MYO3B: variants seen among roughly 807,000 people sequenced by gnomAD.
The protein encoded by MYO3B is myosin IIIB, also known as myosin-IIIb.
In MYO3B, 156 loss-of-function variants were observed where a neutral mutation model predicts 174.6. The observed-to-expected ratio is 0.89, with a 90% confidence interval of 0.78 to 1.02. The LOEUF is 1.02. MYO3B is among the 50% of genes least tolerant of loss of function. MYO3B has a pLI of 0.00. For missense variants in MYO3B, 1,632 were observed against 1,639.4 expected, an observed-to-expected ratio of 1.00 and a Z score of 0.08; for synonymous variants, 563 against 569.1, an observed-to-expected ratio of 0.99 and a Z score of 0.15.
chr2:170,468,184 G>A (rs1684762858), intron 25 of MYO3B, among the ~76,000 whole-genome samples: 1 of 152,172 alleles, frequency 6.6e-6, no homozygotes, highest in Admixed American at 6.5e-5. Flanking sequence ...TAACAAAATG[G>A]ATGAGTTAGC....
intron 1 of MYO3B, among the ~76,000 whole-genome samples, chr2:170,180,385 C>G (rs78872896): frequency 0.053 from 8,091 of 152,222 alleles, 268 homozygotes; most frequent in Non-Finnish European, 0.083. Flanking sequence ...CTCAGAGGGC[C>G]AAGATGTAGA....
At chr2:170,522,747 C>G (rs188217231) in intron 30 of MYO3B, among the ~76,000 whole-genome samples, 159 of 152,316 alleles carry the variant, frequency 1.0e-3, no homozygotes, top group Non-Finnish European at 1.7e-3. Context: ...TCTCTTCTCT[C>G]TGCCCATTCC....
chr2:170,503,605 A>C (rs1291935599), intron 28 of MYO3B, among the ~76,000 whole-genome samples: 1 of 151,450 alleles, frequency 6.6e-6, no homozygotes, highest in Admixed American at 6.6e-5. Flanking sequence ...TAGCCTTGCA[A>C]GCACCCAGCA....
rs775504322 is a variant in MYO3B, at chr2:170,400,150, C to T, written c.1792-38C>T. 1.3e-5 allele frequency: 21 copies of T among 1,613,286 alleles called. No individual in the cohort carries two copies. The South Asian group carries it at 2.1e-4, about 16-fold the overall frequency. ...TCTAATGGTTCATTAGTTTGACTGG[C>T]AATGACCTTCATATATGGTTCTTGA... On this transcript the variant is annotated intron_variant, in intron 16 of 34. Transcript: ENST00000408978.
At chr2:170,595,726 C>A (rs188700814) in intron 32 of MYO3B, among the ~76,000 whole-genome samples, 1 of 152,306 alleles carries the variant, frequency 6.6e-6, no homozygotes, top group African/African-American at 2.4e-5. Context: ...GTGTGAGCCA[C>A]CATGCCTGGC....
At chr2:170,438,990 G>A (rs1268350115) in intron 22 of MYO3B, among the ~76,000 whole-genome samples, 2 of 151,388 alleles carry the variant, frequency 1.3e-5, no homozygotes, top group Admixed American at 1.3e-4. Flanking sequence ...CTAATGTTTA[G>A]TGATACTGAG....
Position 170,483,588 on chromosome 2 carries a change from G to A in MYO3B, c.3015-15004G>A, listed in dbSNP as rs1479542075. On this transcript the variant is annotated intron_variant, in intron 25 of 34. Transcript: ENST00000408978. ...TTTTTAGTAGAGACGGGGTTTCACC[G>A]TGTTAGCCAGGATGGTCTCGATCTC... Among the ~76,000 whole-genome samples the A allele has an allele frequency of 6.4e-5, 8 of 125,686 alleles. 1 individual carries two copies. The highest frequency in any genetic ancestry group is 2.0e-4 in the African/African-American group (4 of 19,950). 82.5% of individuals were successfully genotyped at this position (125,686 alleles called of 152,430 possible). A position where few individuals can be genotyped will look rare whatever the true frequency, so the allele number is the denominator to read the frequency against.
intron 8 of MYO3B, among the ~76,000 whole-genome samples, chr2:170,353,448 G>A (rs1385105268): frequency 6.6e-6 from 1 of 152,126 alleles, no homozygotes; most frequent in African/African-American, 2.4e-5. Flanking sequence ...AGGATTTTTC[G>A]GGCAGTGAAA....
At chr2:170,606,944 C>T (rs1694843416) in intron 32 of MYO3B, among the ~76,000 whole-genome samples, 1 of 152,130 alleles carries the variant, frequency 6.6e-6, no homozygotes, top group Admixed American at 6.5e-5. Context: ...CGCTTGAACC[C>T]AGGAGGCGGA....
At chr2:170,190,407 G>A (rs1443240397) in intron 1 of MYO3B, among the ~76,000 whole-genome samples, 1 of 152,150 alleles carries the variant, frequency 6.6e-6, no homozygotes, top group Non-Finnish European at 1.5e-5. Flanking sequence ...AGGTGATGAA[G>A]CCAGCTAGGT....
chr2:170,439,711 C>T (rs911299067), intron 22 of MYO3B, among the ~76,000 whole-genome samples: 1 of 152,138 alleles, frequency 6.6e-6, no homozygotes, highest in African/African-American at 2.4e-5. Context: ...GACAGAGTCT[C>T]GCTCTGTCGC....
intron 25 of MYO3B, among the ~76,000 whole-genome samples, chr2:170,493,738 CCCCCAACCCCAA>C (rs1235216781): frequency 6.6e-6 from 1 of 151,914 alleles, no homozygotes; most frequent in Admixed American, 6.6e-5. Context: ...TCCCTCTCTG[CCCCCAACCCCAA>C]CCCCAACCCC....
chr2:170,285,249 A>G lies in MYO3B; in HGVS notation c.749+49113A>G, dbSNP rs143690755. On this transcript the variant is annotated intron_variant, in intron 7 of 34. Coordinates refer to ENST00000408978, the MANE Select transcript of MYO3B (RefSeq NM_138995.5). Reference sequence around the variant, plus strand: ...AATTTTGATGTCAGCTTAATCAGATATTAACAACTCGCATTCCAAAGGGTT... The same window carrying G: ...AATTTTGATGTCAGCTTAATCAGATGTTAACAACTCGCATTCCAAAGGGTT... Among the ~76,000 whole-genome samples the G allele has an allele frequency of 3.2e-3, 484 of 152,344 alleles. 10 individuals are homozygous for G. The highest frequency in any genetic ancestry group is 6.9e-4 in the Non-Finnish European group (47 of 68,034).
intron 32 of MYO3B, among the ~76,000 whole-genome samples, chr2:170,583,417 C>G (rs919037421): frequency 6.6e-6 from 1 of 152,106 alleles, no homozygotes; most frequent in Non-Finnish European, 1.5e-5. Flanking sequence ...ATCAAAATCT[C>G]TAGAAGAAAT....
At position 170,214,469 on chromosome 2, in the gene MYO3B, T is replaced by A. The variant is rs200951542; in HGVS notation, c.412T>A (p.Tyr138Asn). 63 of 1,614,056 alleles carry A rather than the reference T, an allele frequency of 3.9e-5. No individual in the cohort carries two copies. The highest frequency in any genetic ancestry group is 5.2e-5 in the Non-Finnish European group (61 of 1,180,006). ...TGAAGCAATGATCTCATACATCTTG[T>A]ACGGGGCCCTCTTGGTAAGAACATC... ...LDEAMISYIL[Y>N]GALLGLQHLH... Residue 138 changes from tyrosine to asparagine, a missense_variant, in exon 4 of 35, where the codon TAC (tyrosine) becomes AAC (asparagine). Coordinates refer to ENST00000408978, the MANE Select transcript of MYO3B (RefSeq NM_138995.5).
At chr2:170,515,158 C>T (rs1265955908) in intron 29 of MYO3B, 136 bp downstream of exon 29, 1 of 706,226 alleles carries the variant, frequency 1.4e-6, no homozygotes, top group Non-Finnish European at 2.3e-6. Context: ...AGGTGACAGC[C>T]AATTAAATTT....
At chr2:170,381,588 G>C (rs955695646) in intron 9 of MYO3B, among the ~76,000 whole-genome samples, 1 of 152,156 alleles carries the variant, frequency 6.6e-6, no homozygotes, top group Non-Finnish European at 1.5e-5. Flanking sequence ...TGTTACGTAG[G>C]TTAAAAACTA....
At chr2:170,186,742 C>T (rs1339403694) in intron 1 of MYO3B, among the ~76,000 whole-genome samples, 2 of 152,128 alleles carry the variant, frequency 1.3e-5, no homozygotes, top group African/African-American at 2.4e-5. Flanking sequence ...GCAGTGAAGC[C>T]ATCAGGTTCC....
intron 8 of MYO3B, chr2:170,344,636 AG>A (rs2094002892): frequency 1.3e-5 from 2 of 152,164 alleles, no homozygotes; most frequent in African/African-American, 4.8e-5. Context: ...CCCTAAGTAA[AG>A]GGGAGAGTGT....
Sources: allele counts gnomAD v4.1 joint callset (sites outside exome capture counted in the v4.1 genomes callset), GRCh38; gene constraint gnomAD v4.1.1; transcripts MANE v1.5; gene names NCBI Gene and HGNC (gene_info 2026-07-23, HGNC 2026-07-21).